Variants in DTNB observed in about 807,000 individuals in gnomAD.
DTNB encodes the protein dystrobrevin beta.
In DTNB, 63 loss-of-function variants were observed where a neutral mutation model predicts 90.7. That is an observed-to-expected ratio of 0.69 (90% confidence interval 0.57 to 0.86). The LOEUF (loss-of-function observed/expected upper bound fraction) is 0.86, where lower values mean the gene tolerates loss of function less well. DTNB is among the 40% of genes least tolerant of loss of function. DTNB has a pLI of 0.00. For synonymous variants in DTNB, 277 were observed against 286.7 expected (o/e 0.97, Z 0.34); for missense variants, 744 against 807.1 (o/e 0.92, Z 0.95).
intron 9 of DTNB, among the ~76,000 whole-genome samples, chr2:25,487,613 T>C (rs1184126022): frequency 6.6e-6 from 1 of 152,118 alleles, no homozygotes; most frequent in Non-Finnish European, 1.5e-5. Context: ...GAGGTACTTC[T>C]GCCTGGAGGA....
intron 11 of DTNB, among the ~76,000 whole-genome samples, chr2:25,454,566 C>T (rs1254281348): frequency 1.3e-5 from 2 of 152,184 alleles, no homozygotes; most frequent in Non-Finnish European, 2.9e-5. Context: ...TTAAACTTTA[C>T]CTGTCATCCT....
Position 25,526,745 on chromosome 2 carries a change from T to C in DTNB, c.1001+4728A>G, listed in dbSNP as rs144650153. 2.6e-5 allele frequency among the ~76,000 whole-genome samples: 4 copies of C among 152,148 alleles called. No homozygotes were observed. The East Asian group carries it at 5.8e-4, about 22-fold the overall frequency. On this transcript the variant is annotated intron_variant, in intron 9 of 20. Transcript: ENST00000406818. ...TACAGAACAATACTTTTTAAGAACG[T>C]ATGCTAACAAAAACATACACGACGA...
intron 6 of DTNB, among the ~76,000 whole-genome samples, chr2:25,589,912 C>G (rs2063229581): frequency 6.6e-6 from 1 of 152,224 alleles, no homozygotes; most frequent in Non-Finnish European, 1.5e-5. Context: ...CAAGGGCGAG[C>G]CATGTGCAGA....
chr2:25,639,190 C>T, intron 2 of DTNB, 96 bp from the exon 3 acceptor site: 1 of 1,217,974 alleles, frequency 8.2e-7, no homozygotes, highest in Non-Finnish European at 1.1e-6. Flanking sequence ...CATAGTATAC[C>T]AGTCAGCTAG....
At position 25,419,384 on chromosome 2, in the gene DTNB, C is replaced by T. The variant is rs1177441230; in HGVS notation, c.1575+131G>A. The T allele has an allele frequency of 8.6e-6, 12 of 1,396,172 alleles. No individual in the cohort carries two copies. The East Asian group carries it at 9.9e-5, about 12-fold the overall frequency. The allele number at this position is 1,396,172 out of a possible 1,614,324, so 86.5% of individuals were successfully genotyped here. A position where few individuals can be genotyped will look rare whatever the true frequency, so the allele number is the denominator to read the frequency against. On this transcript the variant is annotated intron_variant, in intron 16 of 20. Coordinates refer to ENST00000406818, the MANE Select transcript of DTNB (RefSeq NM_021907.5). ...CATTTTACAACACCATGGGGAGAAC[C>T]GCTGGGGGTTTTACACATAAAACCC...
chr2:25,629,789 C>T (rs1273367730), intron 3 of DTNB, among the ~76,000 whole-genome samples: 2 of 152,162 alleles, frequency 1.3e-5, no homozygotes, highest in Non-Finnish European at 2.9e-5. Context: ...CAACAAATCC[C>T]AATGCCAACA....
chr2:25,586,482 C>A (rs941608852), intron 6 of DTNB, among the ~76,000 whole-genome samples: 6 of 149,678 alleles, frequency 4.0e-5, no homozygotes, highest in Non-Finnish European at 7.4e-5. Flanking sequence ...TGCACTCCAG[C>A]CTGGGCGACA....
At chr2:25,536,788 G>T (rs1240540703) in intron 8 of DTNB, among the ~76,000 whole-genome samples, 2 of 152,164 alleles carry the variant, frequency 1.3e-5, no homozygotes, top group Non-Finnish European at 2.9e-5. Context: ...CTGTCACCAG[G>T]CTGGAGTGCA....
At chr2:25,504,689 C>A (rs1255166857) in intron 9 of DTNB, among the ~76,000 whole-genome samples, 1 of 152,048 alleles carries the variant, frequency 6.6e-6, no homozygotes, top group African/African-American at 2.4e-5. Context: ...AGCTTGTATA[C>A]TGAAAATTAT....
intron 8 of DTNB, 153 bp downstream of exon 8, chr2:25,576,685 A>T (rs1181235529): frequency 2.0e-6 from 2 of 990,356 alleles, no homozygotes; most frequent in East Asian, 3.1e-5. Context: ...GAGGAAGCAC[A>T]ACATTTTTGC....
chr2:25,486,596 G>A (rs2066212569), intron 9 of DTNB, among the ~76,000 whole-genome samples: 1 of 149,272 alleles, frequency 6.7e-6, no homozygotes, highest in Non-Finnish European at 1.5e-5. Context: ...TTGCACCACT[G>A]CACTCCAGCT....
At chr2:25,386,148 G>A in intron 18 of DTNB, 2 of 980,478 alleles carry the variant, frequency 2.0e-6, no homozygotes, top group Non-Finnish European at 2.4e-6. Context: ...AAACAAGAGA[G>A]GCAGCGTCTG....
In DTNB at chr2:25,558,842, T is replaced by TC. The variant is rs1291055089; in HGVS notation, c.876+17995dup. Among the ~76,000 whole-genome samples, 13 of 152,200 alleles carry TC rather than the reference T, an allele frequency of 8.5e-5. No individual in the cohort carries two copies. In the East Asian group the frequency reaches 2.5e-3, roughly 29 times the overall value. On this transcript the variant is annotated intron_variant, in intron 8 of 20. Coordinates refer to ENST00000406818, the MANE Select transcript of DTNB (RefSeq NM_021907.5). ...AGGTTATCAGGATATCCCAGACTAT[T>TC]CCCCCTAACCCTTGGGGGGCTCTAG...
chr2:25,523,530 A>ACT (rs1303270581), intron 9 of DTNB, among the ~76,000 whole-genome samples: 1 of 151,670 alleles, frequency 6.6e-6, no homozygotes, highest in Non-Finnish European at 1.5e-5. Flanking sequence ...AGTCCTAGCT[A>ACT]CTCAGGAGGC....
At chr2:25,474,164 A>G (rs1000294672) in intron 10 of DTNB, among the ~76,000 whole-genome samples, 1 of 152,132 alleles carries the variant, frequency 6.6e-6, no homozygotes, top group African/African-American at 2.4e-5. Flanking sequence ...TCTAATCCCA[A>G]CCCAGAAGCA....
At chr2:25,472,560 T>C (rs1315834450) in intron 10 of DTNB, among the ~76,000 whole-genome samples, 1 of 152,190 alleles carries the variant, frequency 6.6e-6, no homozygotes, top group Non-Finnish European at 1.5e-5. Flanking sequence ...CAGCTACCTA[T>C]GGCTATTTTA....
At chr2:25,422,015 A>G (rs941143919) in intron 15 of DTNB, among the ~76,000 whole-genome samples, 79 of 152,198 alleles carry the variant, frequency 5.2e-4, no homozygotes, top group African/African-American at 1.7e-3. Flanking sequence ...TAAACTCACA[A>G]AACTTATTCA....
chr2:25,549,179 GT>G (rs1451372243), intron 8 of DTNB, among the ~76,000 whole-genome samples: 1 of 151,538 alleles, frequency 6.6e-6, no homozygotes, highest in East Asian at 1.9e-4. Flanking sequence ...GATGAGTTTA[GT>G]TTTTCCATTT....
intron 6 of DTNB, among the ~76,000 whole-genome samples, chr2:25,584,850 C>T (rs557072351): frequency 2.6e-5 from 4 of 152,154 alleles, no homozygotes; most frequent in Non-Finnish European, 5.9e-5. Context: ...AGCCACCATG[C>T]CCAGCCTCAA....
Sources: gnomAD v4.1 joint callset for allele counts (sites outside exome capture counted in the v4.1 genomes callset) on GRCh38, gnomAD v4.1.1 for gene constraint, MANE v1.5 for transcripts, NCBI Gene and HGNC (gene_info 2026-07-23, HGNC 2026-07-21) for gene names.